The following EPDR1 variants were observed in gnomAD, a reference collection of about 807,000 sequenced individuals.
EPDR1 encodes the protein ependymin related 1, also known as mammalian ependymin-related protein 1.
EPDR1 carries 27 observed loss-of-function variants against 23.7 expected under a neutral mutation model. The observed-to-expected ratio is 1.14, with a 90% CI of 0.84 to 1.57. The LOEUF is 1.57. Ranked by LOEUF, EPDR1 falls within the 40% of genes most tolerant of loss-of-function variation. EPDR1 has a pLI of 0.00. For synonymous variants in EPDR1, 137 were observed against 118.2 expected, an observed-to-expected ratio of 1.16 and a Z score of -1.03; for missense variants, 349 against 290.4, an observed-to-expected ratio of 1.20 and a Z score of -1.47.
chr7:37,922,225 G>A (rs1460429841), intron 1 of EPDR1, among the ~76,000 whole-genome samples: 1 of 152,164 alleles, frequency 6.6e-6, no homozygotes, highest in Non-Finnish European at 1.5e-5. Flanking sequence ...GGCACCATTA[G>A]TTTATAGAAC....
chr7:37,936,977 G>T (rs1786066868), intron 1 of EPDR1, among the ~76,000 whole-genome samples: 1 of 152,142 alleles, frequency 6.6e-6, no homozygotes, highest in African/African-American at 2.4e-5. Flanking sequence ...AAGGACACAA[G>T]AGGAGGACTA....
At chr7:37,936,911 G>T (rs1406242194) in intron 1 of EPDR1, among the ~76,000 whole-genome samples, 1 of 152,118 alleles carries the variant, frequency 6.6e-6, no homozygotes, top group African/African-American at 2.4e-5. Context: ...CTAAGTTGAT[G>T]CTAAATTTCA....
chr7:37,935,612 T>C (rs1315036909), intron 1 of EPDR1, among the ~76,000 whole-genome samples: 1 of 152,162 alleles, frequency 6.6e-6, no homozygotes, highest in South Asian at 2.1e-4. Context: ...TTCTTTGACC[T>C]AAGCTTTTTA....
intron 1 of EPDR1, among the ~76,000 whole-genome samples, chr7:37,933,072 C>A (rs564857133): frequency 1.6e-4 from 25 of 152,248 alleles, no homozygotes; most frequent in Non-Finnish European, 3.4e-4. Flanking sequence ...ACAATGCGCA[C>A]AATGAGTTTG....
At chr7:37,947,756 C>T (rs535189564) in intron 1 of EPDR1, among the ~76,000 whole-genome samples, 88 of 152,300 alleles carry the variant, frequency 5.8e-4, no homozygotes, top group African/African-American at 2.0e-3. Context: ...AGAAACACAG[C>T]AGGCTTCCCC....
intron 1 of EPDR1, among the ~76,000 whole-genome samples, chr7:37,943,875 A>C (rs1199158982): frequency 1.3e-5 from 2 of 152,190 alleles, no homozygotes; most frequent in Non-Finnish European, 2.9e-5. Context: ...GGCCTCAGGG[A>C]AACAGTGAAG....
chr7:37,933,382 G>A (rs946369901), intron 1 of EPDR1, among the ~76,000 whole-genome samples: 1 of 152,128 alleles, frequency 6.6e-6, no homozygotes, highest in Admixed American at 6.5e-5. Flanking sequence ...TACATGGATG[G>A]GAAGAATCAC....
intron 1 of EPDR1, among the ~76,000 whole-genome samples, chr7:37,927,878 T>C (rs1346483424): frequency 6.6e-6 from 1 of 152,254 alleles, no homozygotes; most frequent in Non-Finnish European, 1.5e-5. Context: ...TCTTGACTGC[T>C]TGTGGCCTCC....
chr7:37,927,593 T>A (rs931411833), intron 1 of EPDR1, among the ~76,000 whole-genome samples: 3 of 152,228 alleles, frequency 2.0e-5, no homozygotes, highest in Non-Finnish European at 4.4e-5. Context: ...GATGAAATTA[T>A]GTTCTTAACA....
At chr7:37,935,186 T>A (rs1048777995) in intron 1 of EPDR1, among the ~76,000 whole-genome samples, 4 of 152,068 alleles carry the variant, frequency 2.6e-5, no homozygotes, top group African/African-American at 9.7e-5. Context: ...GAGGGACTAA[T>A]CAGTGTGATT....
intron 1 of EPDR1, among the ~76,000 whole-genome samples, chr7:37,934,236 A>G (rs1411206985): frequency 6.6e-6 from 1 of 152,088 alleles, no homozygotes; most frequent in Non-Finnish European, 1.5e-5. Flanking sequence ...TTGGCCTCCC[A>G]AAGTGCTGGG....
chr7:37,949,026 G>C lies in EPDR1; in HGVS notation c.456G>C (p.Ser152=). The stretch of plus-strand genomic sequence containing the variant: ...AGCAGATCACCGTCCAGGAGTGGTC[G>C]GACAGAAAGTCAGCTAGATCCTGTA... ...PQEQITVQEW[S]DRKSARSYET... Residue 152 remains serine (S), a synonymous_variant, in exon 2 of 3, where the codon TCG becomes TCC. Coordinates refer to ENST00000199448, the MANE Select transcript of EPDR1 (RefSeq NM_017549.5). 7 of 1,614,074 alleles carry C rather than the reference G, an allele frequency of 4.3e-6. No homozygotes were observed. Among genetic ancestry groups the C allele is most frequent in the Non-Finnish European group, 5.9e-6 (7 of 1,180,002 alleles).
chr7:37,950,161 GTCT>G, intron 2 of EPDR1, 36 bp from the exon 3 acceptor site: 1 of 1,458,486 alleles, frequency 6.9e-7, no homozygotes, highest in Non-Finnish European at 9.4e-7. Context: ...CTTCTTGCCT[GTCT>G]TCTTTATTTA....
chr7:37,931,859 C>T (rs1184286523), intron 1 of EPDR1, among the ~76,000 whole-genome samples: 2 of 151,984 alleles, frequency 1.3e-5, no homozygotes, highest in African/African-American at 4.8e-5. Flanking sequence ...CCACTGCACC[C>T]GCCTAATTTA....
chr7:37,938,902 G>A (rs1379405637), intron 1 of EPDR1, among the ~76,000 whole-genome samples: 1 of 151,982 alleles, frequency 6.6e-6, no homozygotes, highest in East Asian at 1.9e-4. Flanking sequence ...GCTATCTGTG[G>A]TGCTGGCTAT....
chr7:37,932,871 G>C (rs1785972646), intron 1 of EPDR1, among the ~76,000 whole-genome samples: 1 of 152,142 alleles, frequency 6.6e-6, no homozygotes, highest in African/African-American at 2.4e-5. Context: ...TATTCATCCA[G>C]ATATATTTTG....
At chr7:37,936,974 C>A (rs1430656090) in intron 1 of EPDR1, among the ~76,000 whole-genome samples, 1 of 152,082 alleles carries the variant, frequency 6.6e-6, no homozygotes. Context: ...AAGAAGGACA[C>A]AAGAGGAGGA....
At position 37,949,051 on chromosome 7, in the gene EPDR1, A is replaced by C. The variant is rs1344916777; in HGVS notation, c.478+3A>C. 1.2e-6 allele frequency: 2 copies of C among 1,613,508 alleles called. No individual in the cohort carries two copies. Among genetic ancestry groups the C allele is most frequent in the Non-Finnish European group, 1.7e-6 (2 of 1,179,548 alleles). On this transcript the variant is annotated splice_donor_region_variant and intron_variant, in intron 2 of 2. Transcript: ENST00000199448. Reference sequence around the variant, plus strand: ...GGACAGAAAGTCAGCTAGATCCTGTAAGGGTTCAAAGAATCTAAGCATTGT... The same window carrying C: ...GGACAGAAAGTCAGCTAGATCCTGTCAGGGTTCAAAGAATCTAAGCATTGT...
At chr7:37,922,061 G>C (rs1169870127) in intron 1 of EPDR1, among the ~76,000 whole-genome samples, 1 of 151,998 alleles carries the variant, frequency 6.6e-6, no homozygotes, top group Non-Finnish European at 1.5e-5. Flanking sequence ...TTTCTAATTT[G>C]GGATCACCAC....
Sources: allele counts gnomAD v4.1 joint callset (sites outside exome capture counted in the v4.1 genomes callset), GRCh38; gene constraint gnomAD v4.1.1; transcripts MANE v1.5; gene names NCBI Gene and HGNC (gene_info 2026-07-23, HGNC 2026-07-21).